Variants in DLG2 observed in about 807,000 individuals in gnomAD.
DLG2 encodes disks large homolog 2.
A neutral mutation model predicts 132.5 loss-of-function variants in DLG2; 45 were observed. The observed-to-expected ratio is 0.34, with a 90% CI of 0.27 to 0.44. DLG2 has a LOEUF of 0.44. Among genes scored for constraint, DLG2 ranks in the 20% least tolerant of loss-of-function variants. The pLI is 1.00. For missense variants in DLG2, 1,045 were observed against 1,196.9 expected, an observed-to-expected ratio of 0.87 and a Z score of 1.87; for synonymous variants, 424 against 419.6, an observed-to-expected ratio of 1.01 and a Z score of -0.13.
At chr11:83,738,882 C>A (rs1231416902) in intron 18 of DLG2, among the ~76,000 whole-genome samples, 1 of 152,162 alleles carries the variant, frequency 6.6e-6, no homozygotes, top group Non-Finnish European at 1.5e-5. Flanking sequence ...TCAAGGTGAA[C>A]TTTTAACACA....
chr11:83,976,194 G>C (rs950987958), intron 12 of DLG2, among the ~76,000 whole-genome samples: 3 of 151,856 alleles, frequency 2.0e-5, no homozygotes, highest in Non-Finnish European at 4.4e-5. Context: ...TCTCAGTAGA[G>C]GGCAGTTGCT....
chr11:85,207,216 A>T (rs1316967537), intron 4 of DLG2, among the ~76,000 whole-genome samples: 1 of 152,184 alleles, frequency 6.6e-6, no homozygotes, highest in Non-Finnish European at 1.5e-5. Flanking sequence ...AACAGAGTTT[A>T]CCTTCTCAGA....
intron 21 of DLG2, among the ~76,000 whole-genome samples, chr11:83,487,123 C>T (rs527238055): frequency 6.6e-6 from 1 of 152,032 alleles, no homozygotes; most frequent in Non-Finnish European, 1.5e-5. Flanking sequence ...CTCAATTATA[C>T]TTGATCAATG....
At position 84,059,550 on chromosome 11, in the gene DLG2, T is replaced by A. The variant is rs573154697; in HGVS notation, c.750-66A>T. The A allele has an allele frequency of 7.3e-6, 9 of 1,234,784 alleles. No homozygotes were observed. The East Asian group carries it at 1.7e-4, about 23-fold the overall frequency. The allele number at this position is 1,234,784 out of a possible 1,614,324, so 76.5% of individuals were successfully genotyped here. A position where few individuals can be genotyped will look rare whatever the true frequency, so the allele number is the denominator to read the frequency against. On this transcript the variant is annotated intron_variant, in intron 10 of 27. Coordinates refer to ENST00000376104, the MANE Select transcript of DLG2 (RefSeq NM_001142699.3). ...CAGGATTTCTTAAAGAATATTATTA[T>A]GTTTATCTGACCTTAAGAAGTGGGA...
At chr11:85,513,943 T>A (rs2094126660) in intron 3 of DLG2, among the ~76,000 whole-genome samples, 1 of 151,964 alleles carries the variant, frequency 6.6e-6, no homozygotes. Context: ...ATCCTCATTG[T>A]TTCTTCTTTA....
chr11:83,718,395 G>A (rs919057834), intron 18 of DLG2, among the ~76,000 whole-genome samples: 9 of 151,928 alleles, frequency 5.9e-5, no homozygotes, highest in South Asian at 2.1e-4. Context: ...AAAATTAGCC[G>A]GGCATGATGG....
chr11:83,804,484 A>G (rs1227557323), intron 17 of DLG2, among the ~76,000 whole-genome samples: 1 of 151,736 alleles, frequency 6.6e-6, no homozygotes, highest in Non-Finnish European at 1.5e-5. Context: ...AAAAACTCAT[A>G]AAGATTCAAC....
At chr11:84,838,685 A>G (rs72947896) in intron 6 of DLG2, among the ~76,000 whole-genome samples, 21,134 of 152,120 alleles carry the variant, frequency 0.14, 1,976 homozygotes, top group Non-Finnish European at 0.19. Context: ...AGGCTGGTTC[A>G]ACATATGCAA....
intron 3 of DLG2, among the ~76,000 whole-genome samples, chr11:85,348,910 T>C (rs565158127): frequency 1.3e-5 from 2 of 152,186 alleles, no homozygotes; most frequent in South Asian, 2.1e-4. Context: ...CTTTCTAACA[T>C]GCAAATTTGA....
intron 11 of DLG2, among the ~76,000 whole-genome samples, chr11:84,033,020 C>T (rs75035623): frequency 0.011 from 1,738 of 152,232 alleles, 27 homozygotes; most frequent in African/African-American, 0.039. Flanking sequence ...TGCTCATTGT[C>T]GATGCACCTA....
At chr11:83,461,210 T>C (rs900236366) in intron 27 of DLG2, among the ~76,000 whole-genome samples, 6 of 151,744 alleles carry the variant, frequency 4.0e-5, no homozygotes, top group Non-Finnish European at 7.4e-5. Context: ...GGGGTTTCAC[T>C]ATGTTGGCCA....
intron 6 of DLG2, among the ~76,000 whole-genome samples, chr11:84,838,558 G>A (rs751837240): frequency 1.3e-5 from 2 of 151,854 alleles, no homozygotes; most frequent in Non-Finnish European, 2.9e-5. Context: ...GAAGTTAAAG[G>A]TGCACATACC....
At chr11:84,375,567 A>T (rs916736097) in intron 7 of DLG2, among the ~76,000 whole-genome samples, 30 of 152,194 alleles carry the variant, frequency 2.0e-4, no homozygotes, top group Admixed American at 1.8e-3. Context: ...GTGGATATCT[A>T]TCTTTTTGTC....
chr11:85,421,726 G>GGTTTTTT (rs1218680184), intron 3 of DLG2, among the ~76,000 whole-genome samples: 1 of 151,602 alleles, frequency 6.6e-6, no homozygotes, highest in African/African-American at 2.4e-5. Context: ...TGTATACCTT[G>GGTTTTTT]GTTTTTTGTT....
At chr11:84,184,575 T>C (rs1166998782) in intron 8 of DLG2, among the ~76,000 whole-genome samples, 1 of 152,056 alleles carries the variant, frequency 6.6e-6, no homozygotes, top group Non-Finnish European at 1.5e-5. Context: ...TTTAGTTTAA[T>C]TAGATCCCAT....
intron 3 of DLG2, among the ~76,000 whole-genome samples, chr11:85,422,397 G>T (rs913625851): frequency 6.6e-6 from 1 of 151,886 alleles, no homozygotes; most frequent in Non-Finnish European, 1.5e-5. Context: ...TTTTCCCTTT[G>T]TCTTTGTTGG....
intron 8 of DLG2, among the ~76,000 whole-genome samples, chr11:84,239,862 C>G (rs1159472026): frequency 6.6e-6 from 1 of 152,182 alleles, no homozygotes; most frequent in Non-Finnish European, 1.5e-5. Flanking sequence ...TTCAGCATCC[C>G]CTGGGCAGAA....
At chr11:85,627,886 G>C (rs2082106766), upstream of DLG2, 1 of 152,464 alleles carries the variant, frequency 6.6e-6, no homozygotes, top group South Asian at 2.1e-4. Flanking sequence ...AGACTGGAGG[G>C]TCGGGGGTTG....
Position 84,581,697 on chromosome 11 carries a change from A to G in DLG2, c.358-46966T>C, listed in dbSNP as rs185549000. On this transcript the variant is annotated intron_variant, in intron 6 of 27. Coordinates refer to ENST00000376104, the MANE Select transcript of DLG2 (RefSeq NM_001142699.3). ...GCCGAGGTGGGCGGATCACAAGATCAAGAGATCAAGACCATCCTGGCCAAC... is the reference window on the plus strand; with the variant it reads ...GCCGAGGTGGGCGGATCACAAGATCGAGAGATCAAGACCATCCTGGCCAAC... 1.1e-4 allele frequency among the ~76,000 whole-genome samples: 16 copies of G among 152,184 alleles called. No homozygotes were observed. The East Asian group carries it at 3.1e-3, about 29-fold the overall frequency.
Sources: gnomAD v4.1 joint callset for allele counts (sites outside exome capture counted in the v4.1 genomes callset) on GRCh38, gnomAD v4.1.1 for gene constraint, MANE v1.5 for transcripts, NCBI Gene and HGNC (gene_info 2026-07-23, HGNC 2026-07-21) for gene names.